Variants in PPP3R1 observed in about 807,000 individuals in gnomAD.
The protein encoded by PPP3R1 is calcineurin subunit B type 1.
In PPP3R1, 5 loss-of-function variants were observed where a neutral mutation model predicts 22.6. The ratio of observed to expected loss-of-function variants is 0.22; its 90% confidence interval spans 0.12 to 0.46. The LOEUF is 0.46. Among genes scored for constraint, PPP3R1 ranks in the 20% least tolerant of loss-of-function variants. The pLI is 0.99. For missense variants in PPP3R1, 61 were observed against 203.2 expected, an observed-to-expected ratio of 0.30 and a Z score of 4.25; for synonymous variants, 56 against 65.2, an observed-to-expected ratio of 0.86 and a Z score of 0.68.
chr2:68,194,848 C>T (rs1018272460), intron 2 of PPP3R1, among the ~76,000 whole-genome samples: 6 of 152,214 alleles, frequency 3.9e-5, no homozygotes, highest in African/African-American at 1.4e-4. Context: ...AAGACTATTG[C>T]TTCATCAGGA....
chr2:68,221,277 C>A (rs1669684569), intron 1 of PPP3R1, among the ~76,000 whole-genome samples: 1 of 151,966 alleles, frequency 6.6e-6, no homozygotes, highest in Non-Finnish European at 1.5e-5. Context: ...CTGCAGTGAG[C>A]AGAGATTGCA....
intron 1 of PPP3R1, among the ~76,000 whole-genome samples, chr2:68,230,003 C>T (rs1002942198): frequency 1.6e-5 from 2 of 123,388 alleles, no homozygotes; most frequent in African/African-American, 6.4e-5. Context: ...CACACACACA[C>T]ACACACACAT....
At chr2:68,216,883 G>A (rs75679424) in intron 2 of PPP3R1, among the ~76,000 whole-genome samples, 229 of 151,072 alleles carry the variant, frequency 1.5e-3, no homozygotes, top group African/African-American at 5.4e-3. Context: ...TAATAAAGAA[G>A]TCTATTTAAA....
chr2:68,197,282 A>C (rs989598070), intron 2 of PPP3R1, among the ~76,000 whole-genome samples: 1 of 152,098 alleles, frequency 6.6e-6, no homozygotes, highest in African/African-American at 2.4e-5. Flanking sequence ...TGTCTACAGG[A>C]TCATACAGTA....
At chr2:68,240,602 T>C (rs1572977670) in intron 1 of PPP3R1, among the ~76,000 whole-genome samples, 2 of 151,916 alleles carry the variant, frequency 1.3e-5, no homozygotes, top group African/African-American at 4.8e-5. Context: ...GCTCTGGGAG[T>C]GTATGGCTCC....
intron 1 of PPP3R1, among the ~76,000 whole-genome samples, chr2:68,223,555 C>A (rs1206732286): frequency 1.3e-5 from 2 of 151,800 alleles, no homozygotes; most frequent in Admixed American, 6.6e-5. Context: ...TCAAAACCAA[C>A]GTGATTCACA....
intron 3 of PPP3R1, 51 bp from the exon 4 acceptor site, chr2:68,187,365 C>G (rs1346623632): frequency 6.9e-7 from 1 of 1,444,962 alleles, no homozygotes; most frequent in Admixed American, 1.9e-5. Flanking sequence ...ATTTTTTACA[C>G]AAAAAACATA....
chr2:68,238,749 T>C (rs976072246), intron 1 of PPP3R1, among the ~76,000 whole-genome samples: 11 of 152,204 alleles, frequency 7.2e-5, no homozygotes, highest in African/African-American at 2.6e-4. Context: ...ATGATGTCAA[T>C]GGCAATGGGG....
intron 5 of PPP3R1, among the ~76,000 whole-genome samples, chr2:68,185,783 C>A (rs1674533609): frequency 6.6e-6 from 1 of 151,608 alleles, no homozygotes; most frequent in South Asian, 2.1e-4. Context: ...ACGTCTCAAA[C>A]CCATCTAACT....
Position 68,252,114 on chromosome 2 carries a change from C to T in PPP3R1, c.3+11G>A. The T allele has an allele frequency of 7.0e-7, 1 of 1,436,322 alleles. No individual in the cohort carries two copies. Among genetic ancestry groups the T allele is most frequent in the Non-Finnish European group, 9.3e-7 (1 of 1,074,266 alleles). 89.0% of individuals were successfully genotyped at this position (1,436,322 alleles called of 1,614,324 possible). ...GGGAGGGATGGTGCATCGAGGAAGCCAAGGTCTCACCATTTTGCTCGGCGG... is the reference window on the plus strand; with the variant it reads ...GGGAGGGATGGTGCATCGAGGAAGCTAAGGTCTCACCATTTTGCTCGGCGG... On this transcript the variant is annotated intron_variant, in intron 1 of 5. Transcript: ENST00000234310.
intron 2 of PPP3R1, among the ~76,000 whole-genome samples, chr2:68,209,909 C>A (rs1179600339): frequency 1.3e-5 from 2 of 152,056 alleles, no homozygotes; most frequent in Non-Finnish European, 2.9e-5. Flanking sequence ...AAAGACCACT[C>A]TACCCAAACT....
rs972450436 is a variant in PPP3R1, at chr2:68,204,737, G to C, written c.43+12355C>G. ...ATTGTTATTATTTATGAAAACAAATGGGGTGACTAGTAACTACCAGGTTTT... is the reference window on the plus strand; with the variant it reads ...ATTGTTATTATTTATGAAAACAAATCGGGTGACTAGTAACTACCAGGTTTT... On this transcript the variant is annotated intron_variant, in intron 2 of 5. Coordinates refer to ENST00000234310, the MANE Select transcript of PPP3R1 (RefSeq NM_000945.4). 1.4e-4 allele frequency among the ~76,000 whole-genome samples: 21 copies of C among 152,320 alleles called. No homozygotes were observed. The East Asian group carries it at 3.9e-3, about 28-fold the overall frequency.
At chr2:68,218,070 T>C (rs910745766) in intron 1 of PPP3R1, among the ~76,000 whole-genome samples, 2 of 152,202 alleles carry the variant, frequency 1.3e-5, no homozygotes, top group African/African-American at 2.4e-5. Context: ...TAAAGTAATA[T>C]AAATTAAGTT....
intron 2 of PPP3R1, among the ~76,000 whole-genome samples, chr2:68,209,789 A>G (rs1192552120): frequency 6.6e-6 from 1 of 152,008 alleles, no homozygotes; most frequent in Non-Finnish European, 1.5e-5. Context: ...CCTCTATCCA[A>G]GTTTGTAAGA....
At chr2:68,181,670 G>A (rs1674406688) in intron 5 of PPP3R1, among the ~76,000 whole-genome samples, 1 of 151,312 alleles carries the variant, frequency 6.6e-6, no homozygotes, top group African/African-American at 2.4e-5. Context: ...ACAGGCTATG[G>A]GCAGGATCTG....
At chr2:68,211,738 T>C (rs977245341) in intron 2 of PPP3R1, among the ~76,000 whole-genome samples, 1 of 152,236 alleles carries the variant, frequency 6.6e-6, no homozygotes, top group Non-Finnish European at 1.5e-5. Flanking sequence ...CTAAATTCTT[T>C]GTTGTCATTT....
intron 1 of PPP3R1, among the ~76,000 whole-genome samples, chr2:68,241,672 C>T (rs749781221): frequency 2.0e-5 from 3 of 152,050 alleles, no homozygotes; most frequent in Non-Finnish European, 4.4e-5. Context: ...GGTGAAATAC[C>T]GTCTCTACTA....
intron 5 of PPP3R1, among the ~76,000 whole-genome samples, chr2:68,185,055 T>C (rs1558626372): frequency 6.6e-6 from 1 of 151,892 alleles, no homozygotes; most frequent in African/African-American, 2.4e-5. Flanking sequence ...TCCATCTCTA[T>C]TAAAAATACA....
chr2:68,215,439 G>C (rs191136181), intron 2 of PPP3R1, among the ~76,000 whole-genome samples: 1 of 151,954 alleles, frequency 6.6e-6, no homozygotes, highest in African/African-American at 2.4e-5. Flanking sequence ...GAAAGCTTCG[G>C]GCTCCAGAGC....
Sources: allele counts gnomAD v4.1 joint callset (sites outside exome capture counted in the v4.1 genomes callset), GRCh38; gene constraint gnomAD v4.1.1; transcripts MANE v1.5; gene names NCBI Gene and HGNC (gene_info 2026-07-23, HGNC 2026-07-21).